Variants in FAM110B observed in about 807,000 individuals in gnomAD.
FAM110B encodes the protein protein FAM110B.
In FAM110B, 6 loss-of-function variants were observed where a neutral mutation model predicts 20.4. The observed-to-expected ratio is 0.29, with a 90% CI of 0.16 to 0.58. The LOEUF (loss-of-function observed/expected upper bound fraction) is 0.58. Among genes scored for constraint, FAM110B ranks in the 20% least tolerant of loss-of-function variants. FAM110B has a pLI of 0.90. For synonymous variants in FAM110B, 226 were observed against 214.1 expected (o/e 1.06, Z -0.49); for missense variants, 434 against 498.2 (o/e 0.87, Z 1.23).
chr8:58,122,398 C>T (rs1807385122), intron 3 of FAM110B, among the ~76,000 whole-genome samples: 1 of 151,958 alleles, frequency 6.6e-6, no homozygotes, highest in African/African-American at 2.4e-5. Flanking sequence ...AACAATTTCT[C>T]CCCTTCAACA....
chr8:58,109,342 A>G (rs1054805501), intron 3 of FAM110B, among the ~76,000 whole-genome samples: 15 of 152,122 alleles, frequency 9.9e-5, no homozygotes, highest in African/African-American at 3.4e-4. Flanking sequence ...CAAATTTAAC[A>G]TAATATTTAC....
intron 1 of FAM110B, among the ~76,000 whole-genome samples, chr8:57,998,655 G>A (rs961324153): frequency 3.9e-5 from 6 of 152,208 alleles, no homozygotes; most frequent in African/African-American, 1.2e-4. Context: ...GAAGCTAAAT[G>A]TAGCATTAAC....
At chr8:58,061,593 C>G (rs1805659159) in intron 2 of FAM110B, among the ~76,000 whole-genome samples, 1 of 152,202 alleles carries the variant, frequency 6.6e-6, no homozygotes, top group African/African-American at 2.4e-5. Flanking sequence ...TTTAAATTAG[C>G]TTGTAATCTG....
chr8:58,116,063 T>C (rs1327115221), intron 3 of FAM110B, among the ~76,000 whole-genome samples: 1 of 152,172 alleles, frequency 6.6e-6, no homozygotes, highest in Non-Finnish European at 1.5e-5. Flanking sequence ...TCAAGACTGC[T>C]TAAATACTAG....
chr8:58,112,163 T>TA lies in FAM110B; in HGVS notation c.-324-33736dup, dbSNP rs1327488853. Among the ~76,000 whole-genome samples, 8 of 151,798 alleles carry TA rather than the reference T, an allele frequency of 5.3e-5. No individual in the cohort carries two copies. The East Asian group carries it at 5.8e-4, about 11-fold the overall frequency. On this transcript the variant is annotated intron_variant, in intron 3 of 3. Coordinates refer to ENST00000519262, the MANE Select transcript of FAM110B (RefSeq NM_001377989.1). ...ACATATAGTGAAACCCTGTCTGTAC[T>TA]AAAAAAAATACAAAAATTAGCTGGG...
At chr8:58,019,277 G>T (rs1415171656) in intron 1 of FAM110B, among the ~76,000 whole-genome samples, 3 of 133,692 alleles carry the variant, frequency 2.2e-5, no homozygotes, top group African/African-American at 8.3e-5. Flanking sequence ...GGTGGAGGTT[G>T]CAGTGAGCCA....
intron 1 of FAM110B, among the ~76,000 whole-genome samples, chr8:58,020,249 T>G (rs1435654122): frequency 6.6e-6 from 1 of 152,214 alleles, no homozygotes; most frequent in Non-Finnish European, 1.5e-5. Context: ...TCTAAAGTCC[T>G]TCACTAGTGA....
At chr8:58,061,346 G>A (rs183827064) in intron 2 of FAM110B, among the ~76,000 whole-genome samples, 4 of 152,234 alleles carry the variant, frequency 2.6e-5, no homozygotes, top group East Asian at 1.9e-4. Context: ...TTTCTGTGGC[G>A]CTACTTTAAA....
chr8:58,068,705 C>A lies in FAM110B; in HGVS notation c.-413-6830C>A, dbSNP rs181633625. On this transcript the variant is annotated intron_variant, in intron 2 of 3. Coordinates refer to ENST00000519262, the MANE Select transcript of FAM110B (RefSeq NM_001377989.1). ...CCACTTGTAGGAAATATGAAAAAAA[C>A]CATTTAACATTTACAGATTTGATTA... Among the ~76,000 whole-genome samples, 781 of 151,872 alleles carry A rather than the reference C, an allele frequency of 5.1e-3. 15 individuals carry two copies. Among genetic ancestry groups the A allele is most frequent in the African/African-American group, 0.018 (746 of 41,416 alleles).
intron 2 of FAM110B, among the ~76,000 whole-genome samples, chr8:58,075,078 T>C (rs532347087): frequency 9.9e-5 from 15 of 152,056 alleles, no homozygotes; most frequent in African/African-American, 3.6e-4. Context: ...ATGTTTGCTG[T>C]CTTTTTTTTT....
At chr8:58,029,750 A>T (rs10448025) in intron 1 of FAM110B, among the ~76,000 whole-genome samples, 42,460 of 152,108 alleles carry the variant, frequency 0.28, 6,274 homozygotes, top group Middle Eastern at 0.43. Flanking sequence ...CAACTGGAGC[A>T]GATGACCGTA....
At chr8:58,065,678 G>T (rs1310379505) in intron 2 of FAM110B, among the ~76,000 whole-genome samples, 3 of 152,014 alleles carry the variant, frequency 2.0e-5, no homozygotes, top group African/African-American at 7.3e-5. Flanking sequence ...AATAATTTTT[G>T]TGTGTAGGAA....
chr8:58,075,007 G>T (rs1805998513), intron 2 of FAM110B, among the ~76,000 whole-genome samples: 2 of 152,080 alleles, frequency 1.3e-5, no homozygotes, highest in Non-Finnish European at 2.9e-5. Context: ...AACAATAGTT[G>T]AAGTAAACAA....
chr8:58,121,163 G>C (rs1359250498), intron 3 of FAM110B, among the ~76,000 whole-genome samples: 1 of 152,216 alleles, frequency 6.6e-6, no homozygotes, highest in East Asian at 1.9e-4. Flanking sequence ...TCCAGATGCT[G>C]TGTGGCTGCT....
At chr8:58,131,135 C>G (rs1036847199) in intron 3 of FAM110B, among the ~76,000 whole-genome samples, 1 of 152,180 alleles carries the variant, frequency 6.6e-6, no homozygotes, top group African/African-American at 2.4e-5. Context: ...TCCCATATAA[C>G]CGCCTGACAC....
At chr8:58,062,472 A>T (rs1434816266) in intron 2 of FAM110B, among the ~76,000 whole-genome samples, 1 of 152,148 alleles carries the variant, frequency 6.6e-6, no homozygotes, top group Non-Finnish European at 1.5e-5. Context: ...TGGTCTCTAG[A>T]TATAATAAAA....
chr8:58,033,252 T>TA (rs1805006377), intron 2 of FAM110B, among the ~76,000 whole-genome samples: 1 of 152,202 alleles, frequency 6.6e-6, no homozygotes, highest in South Asian at 2.1e-4. Context: ...AATGGCTCTG[T>TA]AGTATTCCAT....
Position 58,095,123 on chromosome 8 carries a change from A to G in FAM110B, c.-325+19500A>G, listed in dbSNP as rs1324505097. ...CCCTTTATCATTTTTTATTGCATCT[A>G]TTTGATTCTTCTCTCCTTTATTAGT... On this transcript the variant is annotated intron_variant, in intron 3 of 3. Transcript: ENST00000519262. Among the ~76,000 whole-genome samples the G allele has an allele frequency of 3.3e-5, 5 of 151,908 alleles. No homozygotes were observed. The East Asian group carries it at 7.7e-4, about 24-fold the overall frequency.
chr8:57,995,068 C>G (rs577398954), intron 1 of FAM110B, among the ~76,000 whole-genome samples: 1 of 152,254 alleles, frequency 6.6e-6, no homozygotes. Flanking sequence ...CCCCGCGCCC[C>G]CTCTGCGCTC....
Sources: gnomAD v4.1 joint callset for allele counts (sites outside exome capture counted in the v4.1 genomes callset) on GRCh38, gnomAD v4.1.1 for gene constraint, MANE v1.5 for transcripts, NCBI Gene and HGNC (gene_info 2026-07-23, HGNC 2026-07-21) for gene names.